Variants in ABCA12 observed in about 807,000 individuals in gnomAD.
ABCA12 encodes ATP binding cassette subfamily A member 12, also known as glucosylceramide transporter ABCA12.
A neutral mutation model predicts 293.5 loss-of-function variants in ABCA12; 156 were observed. The ratio of observed to expected loss-of-function variants is 0.53; its 90% CI spans 0.47 to 0.61. The LOEUF (loss-of-function observed/expected upper bound fraction) is 0.61. Ranked by LOEUF, ABCA12 falls within the 20% of genes least tolerant of loss-of-function variation. The probability of loss-of-function intolerance (pLI) is 0.00; values close to 1 mark genes in which losing one functional copy is unlikely to be tolerated. For missense variants in ABCA12, 2,797 were observed against 3,090.2 expected (o/e 0.91, Z 2.25); for synonymous variants, 1,063 against 1,108.0 (o/e 0.96, Z 0.81).
In ABCA12 at chr2:214,945,020, CG is replaced by C. The variant is rs387906284; in HGVS notation, c.7323del (p.Val2442SerfsTer22). On this transcript the variant is annotated frameshift_variant, in exon 49 of 53. Transcript: ENST00000272895. LOFTEE classifies it high-confidence loss of function. ...GTTTACCTGTGAGATGTGAGGATGA[CG>C]GAACATTTGTTCTGTACTTCTTCTG... ...IISEEVQNKC[S>X]VILTSHSMEE... 8 of 1,613,436 alleles carry C rather than the reference CG, an allele frequency of 5.0e-6. No individual in the cohort carries two copies. The South Asian group carries it at 8.8e-5, about 18-fold the overall frequency.
At chr2:215,127,155 A>C (rs1702944728) in intron 1 of ABCA12, among the ~76,000 whole-genome samples, 1 of 152,138 alleles carries the variant, frequency 6.6e-6, no homozygotes, top group Non-Finnish European at 1.5e-5. Flanking sequence ...GGTCTGAGAA[A>C]GTGCTTGATA....
intron 23 of ABCA12, 63 bp downstream of exon 23, chr2:214,997,631 GA>G (rs1449537991): frequency 1.6e-6 from 2 of 1,244,314 alleles, no homozygotes; most frequent in East Asian, 2.3e-5. Context: ...AAGGCATGAT[GA>G]AAATCATAGT....
intron 20 of ABCA12, among the ~76,000 whole-genome samples, chr2:215,003,382 C>T (rs1700183943): frequency 6.6e-6 from 1 of 152,150 alleles, no homozygotes; most frequent in South Asian, 2.1e-4. Context: ...AGGACCCAAC[C>T]TTGAATACTG....
chr2:214,951,165 G>T, intron 44 of ABCA12, 82 bp from the exon 45 acceptor site: 2 of 1,188,058 alleles, frequency 1.7e-6, no homozygotes, highest in Non-Finnish European at 2.5e-6. Context: ...GGGTTTTCAT[G>T]TCACTAACAG....
At chr2:215,072,114 C>T (rs942274968) in intron 2 of ABCA12, among the ~76,000 whole-genome samples, 2 of 152,142 alleles carry the variant, frequency 1.3e-5, no homozygotes, top group Admixed American at 6.5e-5. Context: ...TTAAGGAGTT[C>T]CTGTACTCAA....
chr2:215,097,807 T>C (rs1702277753), intron 2 of ABCA12, among the ~76,000 whole-genome samples: 1 of 152,240 alleles, frequency 6.6e-6, no homozygotes, highest in African/African-American at 2.4e-5. Context: ...TGAAATACAC[T>C]GGTCCCTGTT....
At chr2:214,978,494 T>C (rs1245548375) in intron 32 of ABCA12, 28 bp from the exon 33 acceptor site, 2 of 1,609,526 alleles carry the variant, frequency 1.2e-6, no homozygotes, top group Non-Finnish European at 1.7e-6. Context: ...ATCACTTCAT[T>C]AACATGAAAA....
chr2:215,047,090 G>A (rs1209331031), intron 6 of ABCA12, among the ~76,000 whole-genome samples: 1 of 152,096 alleles, frequency 6.6e-6, no homozygotes, highest in Non-Finnish European at 1.5e-5. Flanking sequence ...GATAGGGGGA[G>A]GGAAGACATC....
rs1701342809 is a variant in ABCA12 at position 215,052,628 on chromosome 2, C to T, written c.410-44G>A. On this transcript the variant is annotated intron_variant, in intron 4 of 52. Coordinates refer to ENST00000272895, the MANE Select transcript of ABCA12 (RefSeq NM_173076.3). ...CAGATTAGCATTCCACACACACACA[C>T]ACAAATGCACAGGACCACATGAGAA... The T allele has an allele frequency of 2.8e-6, 4 of 1,432,964 alleles. No individual in the cohort carries two copies. In the South Asian group the frequency reaches 4.6e-5, roughly 16 times the overall value. 88.8% of individuals were successfully genotyped at this position (1,432,964 alleles called of 1,614,324 possible).
intron 37 of ABCA12, 30 bp downstream of exon 37, chr2:214,970,243 A>G: frequency 1.3e-6 from 2 of 1,591,996 alleles, no homozygotes; most frequent in Non-Finnish European, 1.7e-6. Flanking sequence ...TTAGCAAGCA[A>G]TTAAATATGT....
At chr2:214,968,482 C>T (rs1574949931) in intron 38 of ABCA12, among the ~76,000 whole-genome samples, 3 of 152,040 alleles carry the variant, frequency 2.0e-5, no homozygotes, top group African/African-American at 2.4e-5. Flanking sequence ...TTTTGGGTTG[C>T]GTTTTTGGCT....
intron 51 of ABCA12, among the ~76,000 whole-genome samples, chr2:214,935,693 A>G (rs1037377422): frequency 6.6e-6 from 1 of 152,104 alleles, no homozygotes; most frequent in Non-Finnish European, 1.5e-5. Flanking sequence ...GCTACTTGTG[A>G]GGCAGAGGTG....
chr2:215,068,895 C>T (rs1179041684), intron 2 of ABCA12, among the ~76,000 whole-genome samples: 2 of 152,102 alleles, frequency 1.3e-5, no homozygotes, highest in African/African-American at 2.4e-5. Flanking sequence ...TAGAGAAGTG[C>T]TATTTTCTAT....
At chr2:215,067,736 G>A (rs1414164889) in intron 2 of ABCA12, among the ~76,000 whole-genome samples, 5 of 152,078 alleles carry the variant, frequency 3.3e-5, no homozygotes, top group Admixed American at 6.6e-5. Flanking sequence ...GTGGAGAGAG[G>A]TCATTCTCAT....
chr2:214,977,139 G>T (rs1169073280), intron 33 of ABCA12, among the ~76,000 whole-genome samples: 1 of 152,198 alleles, frequency 6.6e-6, no homozygotes, highest in African/African-American at 2.4e-5. Context: ...CAGTTAATTA[G>T]TATGCTTTTC....
At position 215,064,167 on chromosome 2, in the gene ABCA12, C is replaced by G; in HGVS notation, c.216G>C (p.Gln72His). 2 of 1,612,772 alleles carry G rather than the reference C, an allele frequency of 1.2e-6. No homozygotes were observed. The highest frequency in any genetic ancestry group is 1.7e-6 in the Non-Finnish European group (2 of 1,179,216). ...LPSTGFFPFL[Q>H]TLLCDTDSKC... ...TAGAGTCTGTGTCACAGAGTAGGGTCTGCAGGAATGGAAAGAATCCAGTAC... is the reference window on the plus strand; with the variant it reads ...TAGAGTCTGTGTCACAGAGTAGGGTGTGCAGGAATGGAAAGAATCCAGTAC... Residue 72 changes from glutamine (Q) to histidine (H), a missense_variant, in exon 3 of 53, where the codon CAG becomes CAC. Transcript: ENST00000272895.
chr2:215,134,481 T>C (rs886762805), intron 1 of ABCA12, among the ~76,000 whole-genome samples: 3 of 146,890 alleles, frequency 2.0e-5, no homozygotes, highest in African/African-American at 7.4e-5. Context: ...TATGTGTATA[T>C]ATACGTATAT....
chr2:215,071,112 G>A (rs577235890), intron 2 of ABCA12, among the ~76,000 whole-genome samples: 50 of 151,702 alleles, frequency 3.3e-4, no homozygotes, highest in African/African-American at 1.1e-3. Context: ...TAGGAGAATC[G>A]CTTGAGCTCA....
intron 39 of ABCA12, among the ~76,000 whole-genome samples, chr2:214,965,315 C>A (rs771613235): frequency 1.3e-5 from 2 of 152,092 alleles, no homozygotes; most frequent in East Asian, 3.9e-4. Context: ...GACATAGGCA[C>A]GGGCAAAAAT....
Sources: gnomAD v4.1 joint callset for allele counts (sites outside exome capture counted in the v4.1 genomes callset) on GRCh38, gnomAD v4.1.1 for gene constraint, MANE v1.5 for transcripts, NCBI Gene and HGNC (gene_info 2026-07-23, HGNC 2026-07-21) for gene names.